METTL1: variants seen among roughly 807,000 people sequenced by gnomAD.
METTL1 encodes methyltransferase 1, tRNA methylguanosine.
In METTL1, 14 loss-of-function variants were observed where a neutral mutation model predicts 27.7. That is an observed-to-expected ratio of 0.51 (90% CI 0.33 to 0.79). The LOEUF is 0.79. Ranked by LOEUF, METTL1 falls within the 30% of genes least tolerant of loss-of-function variation. The pLI, the probability that METTL1 is intolerant of heterozygous loss-of-function variation, is 0.02. For missense variants in METTL1, 333 were observed against 359.6 expected (o/e 0.93, Z 0.60); for synonymous variants, 138 against 137.0 (o/e 1.01, Z -0.05).
rs551450204 is a variant in METTL1 at position 57,769,636 on chromosome 12, G to T, written c.502C>A (p.Arg168=). 6.4e-7 allele frequency: 1 copy of T among 1,557,706 alleles called. No individual in the cohort carries two copies. The highest frequency in any genetic ancestry group is 1.2e-5 in the South Asian group (1 of 81,530). ...ATGATTCGCCACTTGTGCTTTGTCC[G>T]CTTGAAATGTGGGTCGGGGAAGAGG... ...FFLFPDPHFK[R]TKHKWRIISP... The change falls in exon 4 of 6, where the codon CGG becomes AGG. Residue 168 remains arginine (R), a synonymous_variant. Coordinates refer to ENST00000324871, the MANE Select transcript of METTL1 (RefSeq NM_005371.6).
chr12:57,771,015 A>T (rs573679729), intron 2 of METTL1, 79 bp downstream of exon 2: 12 of 1,508,548 alleles, frequency 8.0e-6, no homozygotes, highest in Middle Eastern at 2.5e-4. Context: ...AAGGCCAATT[A>T]TGACCCCCCA....
intron 2 of METTL1, 130 bp from the exon 3 acceptor site, chr12:57,770,086 T>C (rs1955411636): frequency 1.1e-6 from 1 of 900,846 alleles, no homozygotes; most frequent in South Asian, 1.8e-5. Context: ...CAGAGATACA[T>C]ATATGGATAG....
intron 2 of METTL1, chr12:57,770,738 G>A: frequency 4.9e-6 from 1 of 203,510 alleles, no homozygotes; most frequent in Non-Finnish European, 1.0e-5. Context: ...AAAGGGGAGG[G>A]GAGATGGTAG....
chr12:57,769,226 C>T (rs933521736), intron 5 of METTL1, 75 bp from the exon 6 acceptor site: 4 of 1,609,374 alleles, frequency 2.5e-6, no homozygotes, highest in Non-Finnish European at 3.4e-6. Context: ...CCTATCCCAT[C>T]CTCCTGGCAC....
chr12:57,770,159 G>A (rs1051311498), intron 2 of METTL1, among the ~76,000 whole-genome samples: 2 of 152,232 alleles, frequency 1.3e-5, no homozygotes, highest in Admixed American at 1.3e-4. Context: ...TGGGAGGGCT[G>A]AGGATACATG....
In METTL1 at chr12:57,769,818, C is replaced by A; in HGVS notation, c.413G>T (p.Arg138Leu). The A allele has an allele frequency of 3.7e-6, 6 of 1,614,188 alleles. No homozygotes were observed. Among genetic ancestry groups the A allele is most frequent in the Non-Finnish European group, 4.2e-6 (5 of 1,180,042 alleles). Residue 138 changes from arginine to leucine, a missense_variant, in exon 3 of 6, where the codon CGT (arginine) becomes CTT (leucine). Physicochemically the swap from Arg to Leu is moderately radical, Grantham distance 102. Coordinates refer to ENST00000324871, the MANE Select transcript of METTL1 (RefSeq NM_005371.6). ...AGGFQNIACL[R>L]SNAMKHLPNF... Reference sequence around the variant, plus strand: ...AGGAAGGTGCTTCATGGCATTGCTACGGAGACAGGCGATGTTCTGGAAGCC... The same window carrying A: ...AGGAAGGTGCTTCATGGCATTGCTAAGGAGACAGGCGATGTTCTGGAAGCC...
chr12:57,771,380 C>T (rs990889870), intron 1 of METTL1, 123 bp from the exon 2 acceptor site: 11 of 1,473,214 alleles, frequency 7.5e-6, no homozygotes, highest in Non-Finnish European at 9.0e-6. Context: ...CTCAAAAATT[C>T]TGTAACACTG....
Position 57,769,297 on chromosome 12 carries a change from A to G in METTL1, c.675+6T>C, listed in dbSNP as rs1161046148. On this transcript the variant is annotated splice_donor_region_variant and intron_variant, in intron 5 of 5. Coordinates refer to ENST00000324871, the MANE Select transcript of METTL1 (RefSeq NM_005371.6). Reference sequence around the variant, plus strand: ...GGCCTCCACCTCCTCTAGGTCCCCTACTCACCAGGTCCTCCAGAGGCACAC... The same window carrying G: ...GGCCTCCACCTCCTCTAGGTCCCCTGCTCACCAGGTCCTCCAGAGGCACAC... 1 of 1,613,690 alleles carries G rather than the reference A, an allele frequency of 6.2e-7. No individual in the cohort carries two copies. Among genetic ancestry groups the G allele is most frequent in the African/African-American group, 1.3e-5 (1 of 74,906 alleles).
At chr12:57,769,702 AG>A in intron 3 of METTL1, 24 bp from the exon 4 acceptor site, 1 of 1,600,214 alleles carries the variant, frequency 6.2e-7, no homozygotes, top group Non-Finnish European at 8.5e-7. Flanking sequence ...ACACACCAAC[AG>A]GGTTGTGAGA....
chr12:57,771,557 C>G (rs891157985), intron 1 of METTL1: 2 of 1,535,010 alleles, frequency 1.3e-6, no homozygotes, highest in Non-Finnish European at 8.7e-7. Flanking sequence ...TTCCCCTTCT[C>G]CCGAGACTGG....
At chr12:57,769,425 T>G (rs1236037223) in intron 4 of METTL1, 21 bp from the exon 5 acceptor site, 1 of 1,612,866 alleles carries the variant, frequency 6.2e-7, no homozygotes, top group South Asian at 1.1e-5. Flanking sequence ...AAAATCACCC[T>G]AGACAGGAGG....
In METTL1 at chr12:57,772,042, TG is replaced by T; in HGVS notation, c.41del (p.Pro14HisfsTer26). ...ETRNVAGAEA[P>X]PPQKRYYRQR... Reference sequence around the variant, plus strand: ...GCCGGTAGTAGCGCTTCTGGGGCGGTGGGGCCTCTGCTCCGGCCACGTTCCG... The same window carrying T: ...GCCGGTAGTAGCGCTTCTGGGGCGGTGGGCCTCTGCTCCGGCCACGTTCCG... On this transcript the variant is annotated frameshift_variant, in exon 1 of 6. Transcript: ENST00000324871. LOFTEE classifies it high-confidence loss of function. This position sits in a 1 kb window ranked among gnomAD's most constrained non-coding sequence, Gnocchi z 4.1. The T allele has an allele frequency of 6.4e-7, 1 of 1,553,662 alleles. No individual in the cohort carries two copies.
chr12:57,771,048 A>AGCTACTAGGCCTCTTCTCACCCC, intron 2 of METTL1, 46 bp downstream of exon 2: 1 of 1,581,950 alleles, frequency 6.3e-7, no homozygotes, highest in Non-Finnish European at 8.6e-7. Context: ...AGGCAGCAGA[A>AGCTACTAGGCCTCTTCTCACCCC]GCTACTAGGC....
rs769831959 is a variant in METTL1 at position 57,768,891 on chromosome 12, G to C, written c.*105C>G. The C allele has an allele frequency of 1.3e-5, 19 of 1,421,760 alleles. No individual in the cohort carries two copies. The Middle Eastern group carries it at 7.9e-4, about 59-fold the overall frequency. 88.1% of individuals were successfully genotyped at this position (1,421,760 alleles called of 1,614,324 possible). On this transcript the variant is annotated 3_prime_UTR_variant, in exon 6 of 6. Coordinates refer to ENST00000324871, the MANE Select transcript of METTL1 (RefSeq NM_005371.6). ...GGGCAGCTCCCCACCTTCTTTAAGA[G>C]AGTACTGTGTCTCAGCTCCAGCAGT...
chr12:57,770,596 G>T (rs1342795669), intron 2 of METTL1: 1 of 161,766 alleles, frequency 6.2e-6, no homozygotes, highest in African/African-American at 2.4e-5. Context: ...CTATCAGGCT[G>T]TTATCTGTTT....
intron 4 of METTL1, 65 bp from the exon 5 acceptor site, chr12:57,769,469 T>C (rs751603777): frequency 6.2e-6 from 10 of 1,600,336 alleles, no homozygotes; most frequent in Non-Finnish European, 8.6e-6. Context: ...ATGAAGGAAG[T>C]GGTGGTGTGA....
rs1955407115 is a variant in METTL1 at position 57,769,847 on chromosome 12, T to C, written c.384A>G (p.Ala128=). The change falls in exon 3 of 6, where the codon GCA becomes GCG. Residue 128 remains alanine (A), a synonymous_variant. Transcript: ENST00000324871. ...DRIRALRAAP[A]GGFQNIACLR... Reference sequence around the variant, plus strand: ...GACAGGCGATGTTCTGGAAGCCACCTGCAGGAGCTGCGCGTAGGGCCCGAA... The same window carrying C: ...GACAGGCGATGTTCTGGAAGCCACCCGCAGGAGCTGCGCGTAGGGCCCGAA... 1 of 1,614,218 alleles carries C rather than the reference T, an allele frequency of 6.2e-7. No individual in the cohort carries two copies. The highest frequency in any genetic ancestry group is 8.5e-7 in the Non-Finnish European group (1 of 1,180,038).
rs761742089 is a variant in METTL1, at chr12:57,769,881, T to C, written c.350A>G (p.Gln117Arg). 1 of 1,614,092 alleles carries C rather than the reference T, an allele frequency of 6.2e-7. No homozygotes were observed. The highest frequency in any genetic ancestry group is 8.5e-7 in the Non-Finnish European group (1 of 1,179,972). ...EIRVKVSDYVQDRIRALRAAP... is the reference protein window; with the variant it reads ...EIRVKVSDYVRDRIRALRAAP... ...TGCGCGTAGGGCCCGAATCCGGTCT[T>C]GTACATAGTCTGAGACCTTCACCCG... The change falls in exon 3 of 6, where the codon CAA becomes CGA. Residue 117 changes from glutamine to arginine, a missense_variant. Coordinates refer to ENST00000324871, the MANE Select transcript of METTL1 (RefSeq NM_005371.6).
chr12:57,770,330 T>C (rs1955414986), intron 2 of METTL1, among the ~76,000 whole-genome samples: 1 of 152,188 alleles, frequency 6.6e-6, no homozygotes, highest in South Asian at 2.1e-4. Context: ...CTTATTTATT[T>C]GAGATGGAGT....
Sources: allele counts gnomAD v4.1 joint callset (sites outside exome capture counted in the v4.1 genomes callset), GRCh38; gene constraint gnomAD v4.1.1; non-coding constraint Gnocchi (gnomAD v3.1); transcripts MANE v1.5; gene names NCBI Gene and HGNC (gene_info 2026-07-23, HGNC 2026-07-21).